Variants in HRH2 observed in about 807,000 individuals in gnomAD.
HRH2 encodes the protein histamine H2 receptor.
A neutral mutation model predicts 20.1 loss-of-function variants in HRH2; 4 were observed. That is an observed-to-expected ratio of 0.20 (90% CI 0.10 to 0.45). The LOEUF is 0.45. Among genes scored for constraint, HRH2 ranks in the 20% least tolerant of loss-of-function variants. HRH2 has a pLI of 0.99. For missense variants in HRH2, 250 were observed against 461.6 expected (o/e 0.54, Z 4.20); for synonymous variants, 197 against 200.7 (o/e 0.98, Z 0.16).
At chr5:175,698,743 CCA>C (rs372203536) in intron 2 of HRH2, among the ~76,000 whole-genome samples, 2 of 152,268 alleles carry the variant, frequency 1.3e-5, no homozygotes, top group South Asian at 4.1e-4. Flanking sequence ...GCTCCCAGAC[CCA>C]CACTTTCCCT....
At chr5:175,695,727 G>A (rs531660012) in intron 2 of HRH2, among the ~76,000 whole-genome samples, 18 of 152,312 alleles carry the variant, frequency 1.2e-4, no homozygotes, top group African/African-American at 3.6e-4. Flanking sequence ...GAAGTGCTGC[G>A]GGGGCAGCAA....
Position 175,683,600 on chromosome 5 carries a change from C to A in HRH2, c.367C>A (p.Pro123Thr). 1 of 1,614,206 alleles carries A rather than the reference C, an allele frequency of 6.2e-7. No individual in the cohort carries two copies. Among genetic ancestry groups the A allele is most frequent in the Non-Finnish European group, 8.5e-7 (1 of 1,180,034 alleles). ...SLDRYCAVMDPLRYPVLVTPV... is the reference protein window; with the variant it reads ...SLDRYCAVMDTLRYPVLVTPV... ...CGACCGGTACTGCGCTGTCATGGAC[C>A]CACTGCGGTACCCTGTGCTGGTCAC... The change falls in exon 2 of 3, where the codon CCA (proline) becomes ACA (threonine). Residue 123 changes from proline to threonine, a missense_variant. Pro to Thr is a conservative substitution (Grantham distance 38). Around this residue, in one of 5 missense-constraint regions of HRH2, gnomAD observed 86 missense variants for 176.4 expected, o/e 0.49. Coordinates refer to ENST00000636584, the MANE Select transcript of HRH2 (RefSeq NM_001367711.1).
chr5:175,658,554 G>A lies in HRH2; in HGVS notation c.-526+399G>A, dbSNP rs1398613561. The stretch of plus-strand genomic sequence containing the variant: ...GTCCCCGTTTTGTCTCCGGGTCTGG[G>A]TGGTGGCATTTTCTCGCGGCGATGT... On this transcript the variant is annotated intron_variant, in intron 1 of 2. Transcript: ENST00000636584. Among the ~76,000 whole-genome samples, 4 of 152,332 alleles carry A rather than the reference G, an allele frequency of 2.6e-5. No homozygotes were observed. The East Asian group carries it at 7.7e-4, about 29-fold the overall frequency.
chr5:175,670,907 T>G (rs989025274), intron 1 of HRH2, among the ~76,000 whole-genome samples: 1 of 152,264 alleles, frequency 6.6e-6, no homozygotes, highest in Non-Finnish European at 1.5e-5. Context: ...AAGCCTCATC[T>G]GAATGCAGTA....
At chr5:175,701,809 C>T (rs1248919264) in intron 2 of HRH2, among the ~76,000 whole-genome samples, 1 of 152,198 alleles carries the variant, frequency 6.6e-6, no homozygotes, top group Non-Finnish European at 1.5e-5. Context: ...AATGTGAAAA[C>T]GAGGTGTTTC....
In HRH2 at chr5:175,681,902, G is replaced by A. The variant is rs1022066193; in HGVS notation, c.-525-807G>A. On this transcript the variant is annotated intron_variant, in intron 1 of 2. Coordinates refer to ENST00000636584, the MANE Select transcript of HRH2 (RefSeq NM_001367711.1). This position sits in a 1 kb window ranked among gnomAD's most constrained non-coding sequence, Gnocchi z 4.3. ...GAGATGCGTTCGGAGCAGGGGTGGC[G>A]TGGATGACAGGTGACGAACTGCCGA... 3.3e-5 allele frequency among the ~76,000 whole-genome samples: 5 copies of A among 152,208 alleles called. No individual in the cohort carries two copies. Among genetic ancestry groups the A allele is most frequent in the African/African-American group, 9.6e-5 (4 of 41,462 alleles).
chr5:175,707,310 G>A (rs1401607453), intron 2 of HRH2, among the ~76,000 whole-genome samples: 1 of 152,104 alleles, frequency 6.6e-6, no homozygotes, highest in Non-Finnish European at 1.5e-5. Context: ...CGCACCTATA[G>A]TGTCAGCTAC....
intron 1 of HRH2, among the ~76,000 whole-genome samples, chr5:175,667,282 A>G (rs1202638583): frequency 6.6e-6 from 1 of 152,090 alleles, no homozygotes; most frequent in Non-Finnish European, 1.5e-5. Context: ...CATCTCTACT[A>G]AAAATACAAA....
In HRH2 at chr5:175,684,165, A is replaced by G. The variant is rs765343327; in HGVS notation, c.932A>G (p.Asn311Ser). 4.3e-6 allele frequency: 7 copies of G among 1,613,838 alleles called. No individual in the cohort carries two copies. The highest frequency in any genetic ancestry group is 5.9e-6 in the Non-Finnish European group (7 of 1,180,008). The change falls in exon 2 of 3, where the codon AAC becomes AGC. Residue 311 changes from asparagine to serine, a missense_variant. By Grantham distance (46) the Asn-to-Ser change is conservative. This residue lies in a region of HRH2 where 55 missense variants were observed against 66.9 expected (regional missense o/e 0.82). Coordinates refer to ENST00000636584, the MANE Select transcript of HRH2 (RefSeq NM_001367711.1). Reference protein sequence around the residue: ...QLFCCRLANRNSHKTSLRSNA... With the variant: ...QLFCCRLANRSSHKTSLRSNA... ...TTCTGCTGCAGGCTGGCCAACCGCA[A>G]CTCCCACAAAACTTCTCTGAGGTCC...
rs539670909 is a variant in HRH2 at position 175,690,757 on chromosome 5, C to T, written c.1076+6448C>T. On this transcript the variant is annotated intron_variant, in intron 2 of 2. Transcript: ENST00000636584. ...GCACCTCTGAGCTGACCCCCACACT[C>T]CCTGCGTTCTATTCCCTGCACCTTC... Among the ~76,000 whole-genome samples the T allele has an allele frequency of 3.0e-4, 45 of 152,260 alleles. No individual in the cohort carries two copies. The South Asian group carries it at 5.2e-3, about 18-fold the overall frequency.
chr5:175,688,243 T>C (rs1289895013), intron 2 of HRH2, among the ~76,000 whole-genome samples: 1 of 152,202 alleles, frequency 6.6e-6, no homozygotes, highest in African/African-American at 2.4e-5. Context: ...CAAAGTCCCT[T>C]TTGCCGCGTA....
intron 1 of HRH2, among the ~76,000 whole-genome samples, chr5:175,665,040 G>A (rs530426208): frequency 1.6e-4 from 24 of 152,226 alleles, no homozygotes; most frequent in Non-Finnish European, 3.2e-4. Context: ...TGAGGAGAGA[G>A]CAGGAGGCCA....
At chr5:175,688,053 C>T (rs1244366674) in intron 2 of HRH2, among the ~76,000 whole-genome samples, 1 of 152,190 alleles carries the variant, frequency 6.6e-6, no homozygotes, top group Non-Finnish European at 1.5e-5. Flanking sequence ...TGGCTCAGGG[C>T]CCCTCTCACA....
chr5:175,700,712 C>T (rs745600827), intron 2 of HRH2, among the ~76,000 whole-genome samples: 2 of 152,042 alleles, frequency 1.3e-5, no homozygotes, highest in African/African-American at 4.8e-5. Context: ...GGTGAAACCA[C>T]GTCTCTACTA....
intron 2 of HRH2, chr5:175,685,617 C>G: frequency 1.4e-6 from 1 of 722,076 alleles, no homozygotes; most frequent in East Asian, 2.8e-5. Context: ...TCAGCTCTGC[C>G]GTCACTCAAC....
rs763293108 is a variant in HRH2, at chr5:175,681,365, G to C, written c.-525-1344G>C. On this transcript the variant is annotated intron_variant, in intron 1 of 2. Transcript: ENST00000636584. This position sits in a 1 kb window ranked among gnomAD's most constrained non-coding sequence, Gnocchi z 4.3. ...TCAGGTTGCAAACCGCTCCAGGCAAGAGCCTGGGAGAGGCTTAATTTATGT... is the reference window on the plus strand; with the variant it reads ...TCAGGTTGCAAACCGCTCCAGGCAACAGCCTGGGAGAGGCTTAATTTATGT... Among the ~76,000 whole-genome samples the C allele has an allele frequency of 1.3e-5, 2 of 152,194 alleles. No homozygotes were observed. Among genetic ancestry groups the C allele is most frequent in the Non-Finnish European group, 2.9e-5 (2 of 68,040 alleles).
At chr5:175,666,853 A>G (rs1581409062) in intron 1 of HRH2, among the ~76,000 whole-genome samples, 1 of 152,268 alleles carries the variant, frequency 6.6e-6, no homozygotes, top group Non-Finnish European at 1.5e-5. Context: ...TTGAGTAGAT[A>G]AGACCTTCAT....
chr5:175,698,015 ACACT>A (rs749492510), intron 2 of HRH2, among the ~76,000 whole-genome samples: 2 of 152,192 alleles, frequency 1.3e-5, no homozygotes, highest in East Asian at 1.9e-4. Flanking sequence ...ATGCCCACCC[ACACT>A]CACAGGCAAC....
In HRH2 at chr5:175,692,988, A is replaced by G. The variant is rs112034511; in HGVS notation, c.1076+8679A>G. 7.5e-3 allele frequency among the ~76,000 whole-genome samples: 1,138 copies of G among 152,312 alleles called. 8 individuals are homozygous for G. Among genetic ancestry groups the G allele is most frequent in the African/African-American group, 0.026 (1,096 of 41,570 alleles). The stretch of plus-strand genomic sequence containing the variant: ...GGGCAGGTGAGGGTGCAGGCTGGGC[A>G]TAGGGCGGGACTGCAGAGAGAGCCC... On this transcript the variant is annotated intron_variant, in intron 2 of 2. Coordinates refer to ENST00000636584, the MANE Select transcript of HRH2 (RefSeq NM_001367711.1).
Sources: gnomAD v4.1 joint callset for allele counts (sites outside exome capture counted in the v4.1 genomes callset) on GRCh38, gnomAD v4.1.1 for gene constraint, gnomAD v4.1.1 regional missense constraint, Gnocchi (gnomAD v3.1) non-coding constraint, MANE v1.5 for transcripts, NCBI Gene and HGNC (gene_info 2026-07-23, HGNC 2026-07-21) for gene names.